The following ITGA3 variants were observed in gnomAD, a reference collection of about 807,000 sequenced individuals.
ITGA3 encodes the protein integrin alpha-3.
ITGA3 carries 70 observed loss-of-function variants against 131.1 expected under a neutral mutation model. The observed-to-expected ratio is 0.53, with a 90% CI of 0.44 to 0.65. The LOEUF is 0.65. Among genes scored for constraint, ITGA3 ranks in the 30% least tolerant of loss-of-function variants. The probability of loss-of-function intolerance (pLI) is 0.00; values close to 1 mark genes in which losing one functional copy is unlikely to be tolerated. For synonymous variants in ITGA3, 537 were observed against 571.6 expected, an observed-to-expected ratio of 0.94 and a Z score of 0.86; for missense variants, 1,098 against 1,388.6, an observed-to-expected ratio of 0.79 and a Z score of 3.33.
intron 1 of ITGA3, among the ~76,000 whole-genome samples, chr17:50,057,723 A>G (rs1437616850): frequency 6.6e-6 from 1 of 152,068 alleles, no homozygotes; most frequent in African/African-American, 2.4e-5. Flanking sequence ...CTCTGACCCC[A>G]CTGAACAAGA....
In ITGA3 at chr17:50,071,735, C is replaced by T. The variant is rs914611728; in HGVS notation, c.959+217C>T. On this transcript the variant is annotated intron_variant, in intron 6 of 25. Transcript: ENST00000320031. Reference sequence around the variant, plus strand: ...TGTTTCTGCTTGGGATTTGTATGCTCCAGTGGATGTGGATTGTTTGGGTTT... The same window carrying T: ...TGTTTCTGCTTGGGATTTGTATGCTTCAGTGGATGTGGATTGTTTGGGTTT... The T allele has an allele frequency of 2.6e-5, 16 of 617,952 alleles. No individual in the cohort carries two copies. In the South Asian group the frequency reaches 2.6e-4, roughly 10 times the overall value. The allele number at this position is 617,952 out of a possible 1,614,324, so 38.3% of individuals were successfully genotyped here.
At chr17:50,080,880 G>T (rs113605952) in intron 22 of ITGA3, among the ~76,000 whole-genome samples, 1 of 152,046 alleles carries the variant, frequency 6.6e-6, no homozygotes, top group Non-Finnish European at 1.5e-5. Context: ...AACTTTTTCT[G>T]TACATGACTA....
At chr17:50,079,631 A>G in intron 21 of ITGA3, 74 bp downstream of exon 21, 3 of 1,421,862 alleles carry the variant, frequency 2.1e-6, no homozygotes, top group Non-Finnish European at 2.8e-6. Context: ...AGGGGCACAC[A>G]AAGCAAGGGA....
chr17:50,066,176 TAG>T (rs2144268708), intron 3 of ITGA3: 1 of 152,302 alleles, frequency 6.6e-6, no homozygotes, highest in South Asian at 2.1e-4. Flanking sequence ...AAAGTTTTTA[TAG>T]AGACAGGGTC....
At chr17:50,068,793 T>A (rs1461295798) in intron 4 of ITGA3, among the ~76,000 whole-genome samples, 1 of 151,482 alleles carries the variant, frequency 6.6e-6, no homozygotes, top group Non-Finnish European at 1.5e-5. Context: ...TGAGCCACCA[T>A]GCCCAGCCTC....
intron 22 of ITGA3, 85 bp downstream of exon 22, chr17:50,080,460 A>C (rs2144307474): frequency 2.1e-5 from 10 of 486,206 alleles, no homozygotes; most frequent in East Asian, 9.3e-5. Flanking sequence ...GGGTCATAGC[A>C]TGGGTGTGTG....
At position 50,089,422 on chromosome 17, in the gene ITGA3, G is replaced by A; in HGVS notation, c.*344G>A. 1 of 633,360 alleles carries A rather than the reference G, an allele frequency of 1.6e-6. No individual in the cohort carries two copies. Among genetic ancestry groups the A allele is most frequent in the Non-Finnish European group, 2.8e-6 (1 of 362,818 alleles). The allele number at this position is 633,360 out of a possible 1,614,324, so 39.2% of individuals were successfully genotyped here. A position where few individuals can be genotyped will look rare whatever the true frequency, so the allele number is the denominator to read the frequency against. Reference sequence around the variant, plus strand: ...GTCAAGAGCATGCACATGCTGTCTGGCCCTGGGGATCTTCCCACAGGAGGG... The same window carrying A: ...GTCAAGAGCATGCACATGCTGTCTGACCCTGGGGATCTTCCCACAGGAGGG... On this transcript the variant is annotated 3_prime_UTR_variant, in exon 26 of 26. Coordinates refer to ENST00000320031, the MANE Select transcript of ITGA3 (RefSeq NM_002204.4).
rs147295823 is a variant in ITGA3 at position 50,072,007 on chromosome 17, C to T, written c.981C>T (p.Gly327=). 41 of 1,613,430 alleles carry T rather than the reference C, an allele frequency of 2.5e-5. No homozygotes were observed. Among genetic ancestry groups the T allele is most frequent in the Middle Eastern group, 1.7e-4 (1 of 6,052 alleles). The change falls in exon 7 of 26, where the codon GGC becomes GGT. Residue 327 remains glycine, a synonymous_variant. Coordinates refer to ENST00000320031, the MANE Select transcript of ITGA3 (RefSeq NM_002204.4). ...GTAGGTGGCAGGACCTCCTGGTGGG[C>T]GCCCCCTACTACTTCGAGAGGAAAG... ...NNDGWQDLLV[G]APYYFERKEE...
chr17:50,064,274 C>T lies in ITGA3; in HGVS notation c.334+70C>T. On this transcript the variant is annotated intron_variant, in intron 2 of 25. Transcript: ENST00000320031. The surrounding 1 kb of genome is among the most constrained non-coding windows in gnomAD (Gnocchi z 4.4). ...CAGGGGGGTACCGCAGAGAGAATGGCCTGGAGGAGATAGAAGGCTTGTTCA... is the reference window on the plus strand; with the variant it reads ...CAGGGGGGTACCGCAGAGAGAATGGTCTGGAGGAGATAGAAGGCTTGTTCA... 1 of 1,535,238 alleles carries T rather than the reference C, an allele frequency of 6.5e-7. No individual in the cohort carries two copies. Among genetic ancestry groups the T allele is most frequent in the Non-Finnish European group, 8.8e-7 (1 of 1,137,958 alleles).
chr17:50,072,636 G>A (rs1003215516), intron 7 of ITGA3, among the ~76,000 whole-genome samples: 1 of 152,090 alleles, frequency 6.6e-6, no homozygotes, highest in African/African-American at 2.4e-5. Flanking sequence ...GGGGTCATGG[G>A]GCATCCAGAG....
chr17:50,084,805 C>T (rs1909317979), intron 23 of ITGA3, among the ~76,000 whole-genome samples: 2 of 152,186 alleles, frequency 1.3e-5, no homozygotes, highest in African/African-American at 2.4e-5. Flanking sequence ...GTCCCAGCTA[C>T]ACTGGAGGCT....
At chr17:50,070,479 C>G (rs1224091926) in intron 4 of ITGA3, among the ~76,000 whole-genome samples, 1 of 151,822 alleles carries the variant, frequency 6.6e-6, no homozygotes, top group African/African-American at 2.4e-5. Context: ...AACCTTGTCT[C>G]TACTGAAAAT....
chr17:50,085,856 A>G (rs1211115740), intron 23 of ITGA3, among the ~76,000 whole-genome samples: 1 of 76,744 alleles, frequency 1.3e-5, no homozygotes, highest in Non-Finnish European at 3.2e-5. Flanking sequence ...TTTATAATGT[A>G]TATTAGATTA....
At position 50,056,351 on chromosome 17, in the gene ITGA3, C is replaced by T; in HGVS notation, c.-89C>T. On this transcript the variant is annotated 5_prime_UTR_variant, in exon 1 of 26. Transcript: ENST00000320031. The surrounding 1 kb of genome is among the most constrained non-coding windows in gnomAD (Gnocchi z 5.6). ...GCGGCCGGCGGGTTCCAGTGTCCTCCGGCGGCGCGGGGAGCAGGTGAACAG... is the reference window on the plus strand; with the variant it reads ...GCGGCCGGCGGGTTCCAGTGTCCTCTGGCGGCGCGGGGAGCAGGTGAACAG... 2.1e-6 allele frequency: 2 copies of T among 962,470 alleles called. No individual in the cohort carries two copies. Among genetic ancestry groups the T allele is most frequent in the Non-Finnish European group, 1.4e-6 (1 of 695,758 alleles). The allele number at this position is 962,470 out of a possible 1,614,324, so 59.6% of individuals were successfully genotyped here.
At position 50,078,857 on chromosome 17, in the gene ITGA3, G is replaced by A. The variant is rs775845302; in HGVS notation, c.2331G>A (p.Gly777=). ...ACCGGCTACAAAGCTTCTTTGGGGGGACAGTGATGGGTGAGTCTGGCATGA... is the reference window on the plus strand; with the variant it reads ...ACCGGCTACAAAGCTTCTTTGGGGGAACAGTGATGGGTGAGTCTGGCATGA... ...VNHRLQSFFG[G]TVMGESGMKT... is the part of the protein sequence containing the mutation. Residue 777 remains glycine, a synonymous_variant, in exon 19 of 26, where the codon GGG becomes GGA. Transcript: ENST00000320031. 7.2e-5 allele frequency: 116 copies of A among 1,613,342 alleles called. 1 individual carries two copies. The South Asian group carries it at 1.0e-3, about 14-fold the overall frequency.
intron 3 of ITGA3, chr17:50,065,679 G>GTT (rs1908302785): frequency 6.9e-6 from 1 of 145,964 alleles, no homozygotes; most frequent in African/African-American, 2.7e-5. Context: ...GAATGAGGCT[G>GTT]TCTCTCTCTC....
intron 3 of ITGA3, among the ~76,000 whole-genome samples, chr17:50,067,370 G>A (rs997365958): frequency 9.2e-5 from 14 of 152,162 alleles, no homozygotes; most frequent in African/African-American, 3.4e-4. Context: ...GAGAGGCTGC[G>A]CATAGATTCT....
At chr17:50,066,575 G>T (rs896192606) in intron 3 of ITGA3, among the ~76,000 whole-genome samples, 7 of 152,072 alleles carry the variant, frequency 4.6e-5, no homozygotes, top group African/African-American at 1.7e-4. Context: ...AGGAGTTTGT[G>T]ATCAACCTGG....
intron 5 of ITGA3, 65 bp downstream of exon 5, chr17:50,070,995 G>A: frequency 9.5e-7 from 1 of 1,052,762 alleles, no homozygotes; most frequent in Non-Finnish European, 1.5e-6. Flanking sequence ...CTGGTGGAAA[G>A]GTGAGGCCAG....
Sources: gnomAD v4.1 joint callset for allele counts (sites outside exome capture counted in the v4.1 genomes callset) on GRCh38, gnomAD v4.1.1 for gene constraint, Gnocchi (gnomAD v3.1) non-coding constraint, MANE v1.5 for transcripts, NCBI Gene and HGNC (gene_info 2026-07-23, HGNC 2026-07-21) for gene names.